Variants in FAAH2 observed in about 807,000 individuals in gnomAD.
The protein encoded by FAAH2 is fatty-acid amide hydrolase 2.
Under a neutral mutation model 36.9 loss-of-function variants are expected in FAAH2, and 60 were observed. The observed-to-expected ratio is 1.63, with a 90% CI of 1.32 to 2.02. The LOEUF is 2.02. Ranked by LOEUF, FAAH2 falls within the 30% of genes most tolerant of loss-of-function variation. The pLI, the probability that FAAH2 is intolerant of heterozygous loss-of-function variation, is 0.00. For synonymous variants in FAAH2, 214 were observed against 143.8 expected, an observed-to-expected ratio of 1.49 and a Z score of -3.49; for missense variants, 689 against 397.5, an observed-to-expected ratio of 1.73 and a Z score of -6.23.
At chrX:57,341,943 G>A (rs2053697890) in intron 5 of FAAH2, among the ~76,000 whole-genome samples, 1 of 111,373 alleles carries the variant, frequency 9.0e-6, no homozygotes, top group Non-Finnish European at 1.9e-5. Flanking sequence ...ATTATTTATG[G>A]TGGTAAGAAT....
intron 10 of FAAH2, among the ~76,000 whole-genome samples, chrX:57,450,821 AATT>A (rs944577641): frequency 1.8e-5 from 2 of 111,386 alleles, no homozygotes; most frequent in Admixed American, 9.6e-5. Flanking sequence ...AGTGCTTTAA[AATT>A]ATTAATAATA....
the FAAH2 span, among the ~76,000 whole-genome samples, chrX:57,198,588 C>T: frequency 8.9e-6 from 1 of 112,382 alleles, no homozygotes; most frequent in African/African-American, 3.2e-5. Flanking sequence ...TCATTCATGC[C>T]CACCCTACCC....
the FAAH2 span, among the ~76,000 whole-genome samples, chrX:57,280,232 T>C: frequency 9.0e-6 from 1 of 111,308 alleles, no homozygotes; most frequent in Non-Finnish European, 1.9e-5. Context: ...TTTTTTTTTC[T>C]GTACTCTGAT....
At position 57,415,832 on chromosome X, in the gene FAAH2, G is replaced by A. The variant is rs185453303; in HGVS notation, c.997-16086G>A. On this transcript the variant is annotated intron_variant, in intron 7 of 10. Transcript: ENST00000374900. ...CTAATATTGACAGTGGGGTGTTAAAGTCTCCCACTACTATTTTGTGGGAGT... is the reference window on the plus strand; with the variant it reads ...CTAATATTGACAGTGGGGTGTTAAAATCTCCCACTACTATTTTGTGGGAGT... 1.6e-4 allele frequency among the ~76,000 whole-genome samples: 18 copies of A among 110,956 alleles called. No individual in the cohort carries two copies. In the East Asian group the frequency reaches 5.1e-3, roughly 31 times the overall value.
chrX:57,186,005 C>A, the FAAH2 span, among the ~76,000 whole-genome samples: 1 of 111,217 alleles, frequency 9.0e-6, no homozygotes, highest in Admixed American at 9.6e-5. Context: ...ATTGCTATTG[C>A]AAATAGTGCT....
At chrX:57,277,588 G>A in the FAAH2 span, among the ~76,000 whole-genome samples, 2 of 111,863 alleles carry the variant, frequency 1.8e-5, no homozygotes, top group Non-Finnish European at 3.8e-5. Flanking sequence ...TCAGGCAAGA[G>A]AAAGAAATAA....
chrX:57,410,129 T>G, intron 7 of FAAH2, among the ~76,000 whole-genome samples: 1 of 111,380 alleles, frequency 9.0e-6, no homozygotes. Context: ...GTTGACCCAT[T>G]TTTTTTCAGA....
At chrX:57,328,684 G>T (rs1376380921) in intron 3 of FAAH2, among the ~76,000 whole-genome samples, 2 of 111,760 alleles carry the variant, frequency 1.8e-5, no homozygotes, top group Non-Finnish European at 3.8e-5. Flanking sequence ...TTATTTTTGT[G>T]GGTCTGTTGT....
the FAAH2 span, chrX:57,229,562 G>C: frequency 1.8e-5 from 2 of 111,971 alleles, no homozygotes; most frequent in African/African-American, 6.5e-5. Context: ...AGCAATGAAG[G>C]AAGACAAGGG....
the FAAH2 span, among the ~76,000 whole-genome samples, chrX:57,166,189 C>A: frequency 9.1e-6 from 1 of 110,323 alleles, no homozygotes; most frequent in Non-Finnish European, 1.9e-5. Flanking sequence ...CCCACTCCAT[C>A]CCCCCTCTGG....
intron 4 of FAAH2, among the ~76,000 whole-genome samples, chrX:57,335,269 A>T (rs1183543010): frequency 9.0e-6 from 1 of 111,370 alleles, no homozygotes; most frequent in Non-Finnish European, 1.9e-5. Flanking sequence ...TAGAGAAAGA[A>T]AAATAAGAAA....
chrX:57,126,582 C>T, the FAAH2 span, among the ~76,000 whole-genome samples: 2 of 111,928 alleles, frequency 1.8e-5, no homozygotes, highest in Non-Finnish European at 3.8e-5. Flanking sequence ...AATGAAGGCA[C>T]CCCAAAGAAG....
the FAAH2 span, among the ~76,000 whole-genome samples, chrX:57,249,048 G>A: frequency 1.8e-5 from 2 of 110,768 alleles, no homozygotes; most frequent in African/African-American, 6.6e-5. Context: ...GTGCTTTTGT[G>A]ATGTAGTTTT....
chrX:57,299,707 C>T (rs1179264087), intron 2 of FAAH2, among the ~76,000 whole-genome samples: 1 of 111,219 alleles, frequency 9.0e-6, no homozygotes, highest in African/African-American at 3.3e-5. Flanking sequence ...CTAGAAAACC[C>T]CATCATCTCA....
At chrX:57,379,072 G>A (rs147006343) in intron 6 of FAAH2, among the ~76,000 whole-genome samples, 59 of 111,896 alleles carry the variant, frequency 5.3e-4, no homozygotes, top group African/African-American at 1.5e-3. Flanking sequence ...TAAGGACTAC[G>A]TTCACTTTAA....
chrX:57,149,240 C>T, the FAAH2 span, among the ~76,000 whole-genome samples: 17 of 111,190 alleles, frequency 1.5e-4, no homozygotes, highest in East Asian at 2.8e-4. Context: ...TGTCTCTGCC[C>T]GGCTTTGGTA....
chrX:57,300,675 C>A (rs983523333), intron 2 of FAAH2, among the ~76,000 whole-genome samples: 2 of 111,550 alleles, frequency 1.8e-5, no homozygotes, highest in African/African-American at 6.5e-5. Context: ...AACAGGCAAC[C>A]TACAAAATGG....
At chrX:57,484,981 G>T (rs2057447872) in intron 10 of FAAH2, among the ~76,000 whole-genome samples, 1 of 111,756 alleles carries the variant, frequency 8.9e-6, no homozygotes, top group African/African-American at 3.3e-5. Flanking sequence ...AGACCAGTCA[G>T]GTGGTGGGAA....
chrX:57,334,745 G>T (rs1399816142), intron 4 of FAAH2, among the ~76,000 whole-genome samples: 1 of 111,502 alleles, frequency 9.0e-6, no homozygotes, highest in African/African-American at 3.3e-5. Flanking sequence ...AGGTGGCAGA[G>T]TATCATTTGA....
Sources: gnomAD v4.1 joint callset for allele counts (sites outside exome capture counted in the v4.1 genomes callset) on GRCh38, gnomAD v4.1.1 for gene constraint, MANE v1.5 for transcripts, NCBI Gene and HGNC (gene_info 2026-07-23, HGNC 2026-07-21) for gene names.